RPAP2: variants seen among roughly 807,000 people sequenced by gnomAD.
RPAP2 encodes the protein RNA polymerase II associated protein 2, also known as putative RNA polymerase II subunit B1 CTD phosphatase RPAP2.
RPAP2 carries 52 observed loss-of-function variants against 73.1 expected under a neutral mutation model. The observed-to-expected ratio is 0.71, with a 90% CI of 0.57 to 0.90. The LOEUF (loss-of-function observed/expected upper bound fraction) is 0.90. Ranked by LOEUF, RPAP2 falls within the 40% of genes least tolerant of loss-of-function variation. The pLI, the probability that RPAP2 is intolerant of heterozygous loss-of-function variation, is 0.00. For synonymous variants in RPAP2, 225 were observed against 242.1 expected (o/e 0.93, Z 0.65); for missense variants, 598 against 701.8 (o/e 0.85, Z 1.67).
At chr1:92,363,080 C>A (rs1034961365) in intron 11 of RPAP2, among the ~76,000 whole-genome samples, 6 of 152,180 alleles carry the variant, frequency 3.9e-5, no homozygotes, top group Admixed American at 6.5e-5. Context: ...AAAAAATGCA[C>A]ATTTGAAAAA....
chr1:92,345,578 T>C (rs1046640380), intron 10 of RPAP2, among the ~76,000 whole-genome samples: 1 of 151,976 alleles, frequency 6.6e-6, no homozygotes, highest in African/African-American at 2.4e-5. Flanking sequence ...TTTCCCACAT[T>C]GTTCCTACAT....
chr1:92,332,121 T>C (rs745508574), intron 8 of RPAP2, among the ~76,000 whole-genome samples: 60 of 152,032 alleles, frequency 3.9e-4, no homozygotes, highest in Non-Finnish European at 7.1e-4. Flanking sequence ...GTCTTTTTTT[T>C]TACTGTATCT....
chr1:92,341,638 T>A (rs1653598266), intron 10 of RPAP2, among the ~76,000 whole-genome samples: 1 of 152,118 alleles, frequency 6.6e-6, no homozygotes, highest in Admixed American at 6.6e-5. Context: ...GAGATTTGAG[T>A]ATAATAGAAA....
chr1:92,361,154 C>T (rs1654717473), intron 11 of RPAP2, among the ~76,000 whole-genome samples: 1 of 151,574 alleles, frequency 6.6e-6, no homozygotes, highest in African/African-American at 2.4e-5. Context: ...CACACACACA[C>T]ACACGTAAGT....
chr1:92,361,077 C>CATATATATATATATATA (rs375121467), intron 11 of RPAP2, among the ~76,000 whole-genome samples: 1 of 142,594 alleles, frequency 7.0e-6, no homozygotes, highest in Non-Finnish European at 1.5e-5. Flanking sequence ...AAGCAAAAAG[C>CATATATATATATATATA]ATATATATAT....
chr1:92,305,417 A>G (rs1271646562), intron 5 of RPAP2, among the ~76,000 whole-genome samples: 6 of 129,202 alleles, frequency 4.6e-5, no homozygotes, highest in Non-Finnish European at 6.3e-5. Context: ...GGGGCAACAG[A>G]GTGAGGCTCC....
intron 11 of RPAP2, among the ~76,000 whole-genome samples, chr1:92,370,701 CTT>C (rs1305127537): frequency 1.3e-5 from 2 of 151,436 alleles, no homozygotes; most frequent in Non-Finnish European, 2.9e-5. Flanking sequence ...TTTGGTGAGA[CTT>C]TAAAAAAAAA....
At chr1:92,326,371 G>C (rs1300995927) in intron 8 of RPAP2, among the ~76,000 whole-genome samples, 1 of 152,158 alleles carries the variant, frequency 6.6e-6, no homozygotes, top group African/African-American at 2.4e-5. Context: ...ATGGCAGGGG[G>C]GTGAAATGGA....
At chr1:92,354,550 A>T (rs987377269) in intron 11 of RPAP2, among the ~76,000 whole-genome samples, 1 of 152,244 alleles carries the variant, frequency 6.6e-6, no homozygotes, top group Admixed American at 6.5e-5. Context: ...TAGAAATATC[A>T]GTGGAAAGCA....
intron 5 of RPAP2, among the ~76,000 whole-genome samples, chr1:92,306,150 A>T (rs1047910280): frequency 1.3e-5 from 2 of 152,206 alleles, no homozygotes; most frequent in African/African-American, 4.8e-5. Flanking sequence ...GTATGCTTTC[A>T]CTTATATGAG....
At chr1:92,369,790 T>C (rs1171604641) in intron 11 of RPAP2, among the ~76,000 whole-genome samples, 2 of 152,168 alleles carry the variant, frequency 1.3e-5, no homozygotes, top group African/African-American at 4.8e-5. Flanking sequence ...GGGGAGTCAA[T>C]TTAACAAAAG....
rs1234705023 is a variant in RPAP2, at chr1:92,398,765, T to C, written c.*11754T>C. 6.6e-6 allele frequency: 1 copy of C among 152,268 alleles called. No homozygotes were observed. Among genetic ancestry groups the C allele is most frequent in the Non-Finnish European group, 1.5e-5 (1 of 68,086 alleles). The allele number at this position is 152,268 out of a possible 1,614,324, so 9.4% of individuals were successfully genotyped here. A position where few individuals can be genotyped will look rare whatever the true frequency, so the allele number is the denominator to read the frequency against. ...AGGAATCCCAGCCACTCCTCTCCTG[T>C]GCAGCACAAGCTGAAGGATAAGGTG... On this transcript the variant is annotated 3_prime_UTR_variant, in exon 13 of 13. Transcript: ENST00000610020.
intron 3 of RPAP2, 78 bp from the exon 4 acceptor site, chr1:92,303,896 TAAG>T: frequency 1.1e-6 from 1 of 872,734 alleles, no homozygotes; most frequent in East Asian, 2.6e-5. Flanking sequence ...TGTTTTCAGA[TAAG>T]ATTGATGAGG....
At chr1:92,339,037 C>T (rs758992083) in intron 10 of RPAP2, among the ~76,000 whole-genome samples, 5 of 152,140 alleles carry the variant, frequency 3.3e-5, no homozygotes, top group Non-Finnish European at 7.4e-5. Context: ...GCCCTATGGT[C>T]TCCAACTACA....
In RPAP2 at chr1:92,333,488, G is replaced by A. The variant is rs369944830; in HGVS notation, c.1538+15G>A. The A allele has an allele frequency of 1.3e-6, 2 of 1,560,222 alleles. No individual in the cohort carries two copies. On this transcript the variant is annotated intron_variant, in intron 9 of 12. Transcript: ENST00000610020. ...TTGAGTAAAGTGTAAGTATGTAATT[G>A]CCATTCCAGCTTTGTAGTAGTTTTA...
chr1:92,367,085 G>A (rs1326166148), intron 11 of RPAP2, among the ~76,000 whole-genome samples: 3 of 152,102 alleles, frequency 2.0e-5, no homozygotes, highest in Non-Finnish European at 4.4e-5. Flanking sequence ...TGTGATAAAG[G>A]TCTCCACTTT....
At chr1:92,301,434 A>G (rs372543867) in intron 2 of RPAP2, 42 bp from the exon 3 acceptor site, 10 of 1,019,290 alleles carry the variant, frequency 9.8e-6, no homozygotes, top group African/African-American at 1.6e-5. Context: ...AATGTTGGAC[A>G]TGAAGCTTTT....
intron 11 of RPAP2, chr1:92,363,807 AT>A (rs887393724): frequency 3.7e-4 from 100 of 271,936 alleles, no homozygotes; most frequent in South Asian, 7.1e-4. Flanking sequence ...TTTGCTTAAC[AT>A]TTTTTTTCCT....
intron 11 of RPAP2, among the ~76,000 whole-genome samples, chr1:92,356,528 C>A (rs1457928163): frequency 6.6e-6 from 1 of 151,746 alleles, no homozygotes; most frequent in Non-Finnish European, 1.5e-5. Flanking sequence ...AAGCAATCCT[C>A]CTGCCTCAGC....
Sources: allele counts gnomAD v4.1 joint callset (sites outside exome capture counted in the v4.1 genomes callset), GRCh38; gene constraint gnomAD v4.1.1; transcripts MANE v1.5; gene names NCBI Gene and HGNC (gene_info 2026-07-23, HGNC 2026-07-21).